CRIM1: variants seen among roughly 807,000 people sequenced by gnomAD.
The protein encoded by CRIM1 is cysteine rich transmembrane BMP regulator 1.
In CRIM1, 32 loss-of-function variants were observed where a neutral mutation model predicts 116.4. That is an observed-to-expected ratio of 0.27 (90% CI 0.21 to 0.37). The LOEUF is 0.37. Ranked by LOEUF, CRIM1 falls within the 10% of genes least tolerant of loss-of-function variation. The pLI, the probability that CRIM1 is intolerant of heterozygous loss-of-function variation, is 1.00. For synonymous variants in CRIM1, 590 were observed against 509.2 expected, an observed-to-expected ratio of 1.16 and a Z score of -2.13; for missense variants, 1,331 against 1,354.8, an observed-to-expected ratio of 0.98 and a Z score of 0.28.
intron 1 of CRIM1, among the ~76,000 whole-genome samples, chr2:36,358,248 C>T (rs1668989223): frequency 6.6e-6 from 1 of 152,142 alleles, no homozygotes; most frequent in Non-Finnish European, 1.5e-5. Context: ...ACTTCTGATA[C>T]CATTGTATGT....
At chr2:36,409,738 C>A (rs777958257) in intron 2 of CRIM1, among the ~76,000 whole-genome samples, 1 of 152,196 alleles carries the variant, frequency 6.6e-6, no homozygotes. Flanking sequence ...ATGTTTACTT[C>A]TAGAATTGGC....
chr2:36,505,360 G>T (rs1362625400), intron 8 of CRIM1, among the ~76,000 whole-genome samples: 1 of 150,928 alleles, frequency 6.6e-6, no homozygotes, highest in Non-Finnish European at 1.5e-5. Context: ...ATAAACAAGA[G>T]TTAAGTTCCT....
intron 2 of CRIM1, among the ~76,000 whole-genome samples, chr2:36,427,963 G>A (rs1265518449): frequency 6.6e-6 from 1 of 152,206 alleles, no homozygotes; most frequent in African/African-American, 2.4e-5. Flanking sequence ...TTGCTCTTCT[G>A]ACCTTTCTTA....
intron 8 of CRIM1, among the ~76,000 whole-genome samples, chr2:36,505,680 C>G (rs1277001134): frequency 1.3e-4 from 9 of 67,550 alleles, no homozygotes; most frequent in Admixed American, 7.5e-4. Context: ...AGACCTAAAA[C>G]ATTTCTAATA....
chr2:36,359,927 T>A (rs1669109994), intron 1 of CRIM1, among the ~76,000 whole-genome samples: 1 of 152,154 alleles, frequency 6.6e-6, no homozygotes, highest in African/African-American at 2.4e-5. Flanking sequence ...AACTGGCCTG[T>A]TTTCTTGGCC....
rs536859327 is a variant in CRIM1, at chr2:36,550,835, G to GT, written c.*2140dup. On this transcript the variant is annotated 3_prime_UTR_variant, in exon 17 of 17. Coordinates refer to ENST00000280527, the MANE Select transcript of CRIM1 (RefSeq NM_016441.3). ...AAAAAATTGTAGATGCTTGCTTTTT[G>GT]TTTTTTCAATCATGGCCATATTATG... 311 of 152,354 alleles carry GT rather than the reference G, an allele frequency of 2.0e-3. 1 individual carries two copies. The highest frequency in any genetic ancestry group is 6.9e-3 in the African/African-American group (286 of 41,482). The allele number at this position is 152,354 out of a possible 1,614,324, so 9.4% of individuals were successfully genotyped here.
intron 8 of CRIM1, among the ~76,000 whole-genome samples, chr2:36,499,733 C>T (rs996281818): frequency 1.3e-5 from 2 of 152,180 alleles, no homozygotes; most frequent in South Asian, 2.1e-4. Flanking sequence ...GACTGTGCTT[C>T]ACTTTGTTGA....
intron 8 of CRIM1, among the ~76,000 whole-genome samples, chr2:36,500,751 A>G (rs533830698): frequency 6.6e-6 from 1 of 152,378 alleles, no homozygotes; most frequent in South Asian, 2.1e-4. Context: ...GATGCTGAAC[A>G]TAGCTGCTTA....
intron 1 of CRIM1, among the ~76,000 whole-genome samples, chr2:36,395,215 A>C (rs983444448): frequency 6.6e-6 from 1 of 152,070 alleles, no homozygotes; most frequent in Admixed American, 6.5e-5. Context: ...GGGTTTCACC[A>C]TGTTGGCCAG....
chr2:36,362,983 A>T (rs1292553176), intron 1 of CRIM1, among the ~76,000 whole-genome samples: 1 of 152,010 alleles, frequency 6.6e-6, no homozygotes, highest in Non-Finnish European at 1.5e-5. Context: ...GGATCGCCTG[A>T]GGTCAGGAGT....
chr2:36,448,438 T>C (rs548446460), intron 4 of CRIM1, among the ~76,000 whole-genome samples: 2 of 152,344 alleles, frequency 1.3e-5, no homozygotes, highest in South Asian at 4.1e-4. Flanking sequence ...TTCCTACTCC[T>C]TGCTCTCTCC....
intron 1 of CRIM1, among the ~76,000 whole-genome samples, chr2:36,376,437 G>C (rs954391797): frequency 4.6e-5 from 7 of 152,234 alleles, no homozygotes; most frequent in African/African-American, 7.2e-5. Flanking sequence ...GCATTTCCTT[G>C]CTTACAGAGC....
intron 2 of CRIM1, among the ~76,000 whole-genome samples, chr2:36,439,928 G>A (rs1675659093): frequency 6.6e-6 from 1 of 152,136 alleles, no homozygotes; most frequent in African/African-American, 2.4e-5. Context: ...ATCCCAAGCT[G>A]CTGAAGCAAC....
rs114612022 is a variant in CRIM1, at chr2:36,356,663, C to A, written c.331+40C>A. The stretch of plus-strand genomic sequence containing the variant: ...TGCGGGCCCCCTCCCACCTGGCCTG[C>A]GCCGCCCCCTCGGCGCTGGTTGTGC... On this transcript the variant is annotated intron_variant, in intron 1 of 16. Transcript: ENST00000280527. The surrounding 1 kb of genome is among the most constrained non-coding windows in gnomAD (Gnocchi z 4.3). 3.6e-3 allele frequency: 5,586 copies of A among 1,560,974 alleles called. 175 individuals are homozygous for A. The African/African-American group carries it at 0.065, about 18-fold the overall frequency.
At chr2:36,511,243 G>C (rs996687389) in intron 9 of CRIM1, among the ~76,000 whole-genome samples, 10 of 152,182 alleles carry the variant, frequency 6.6e-5, no homozygotes, top group Admixed American at 3.9e-4. Context: ...GCCTGGCCTA[G>C]TGCTAGTAAT....
intron 2 of CRIM1, among the ~76,000 whole-genome samples, chr2:36,432,008 G>C (rs1674933739): frequency 6.6e-6 from 1 of 152,170 alleles, no homozygotes; most frequent in Non-Finnish European, 1.5e-5. Flanking sequence ...AACATTACTT[G>C]GGGAGTTCTT....
chr2:36,527,886 C>T (rs1665861592), intron 13 of CRIM1, among the ~76,000 whole-genome samples: 2 of 152,014 alleles, frequency 1.3e-5, no homozygotes, highest in Non-Finnish European at 2.9e-5. Context: ...TTAAAAGCTT[C>T]TGCACATTGG....
intron 2 of CRIM1, among the ~76,000 whole-genome samples, chr2:36,398,830 A>G (rs900479224): frequency 6.6e-6 from 1 of 152,246 alleles, no homozygotes; most frequent in Non-Finnish European, 1.5e-5. Flanking sequence ...ATATTCAGGT[A>G]TATATTGTAT....
Position 36,427,830 on chromosome 2 carries a change from C to T in CRIM1, c.506-13428C>T, listed in dbSNP as rs73924827. Reference sequence around the variant, plus strand: ...TTGTATTCCATCTTGCAGGCCTGCCCTGGCTCCCATTCCTAGCCCATTTGT... The same window carrying T: ...TTGTATTCCATCTTGCAGGCCTGCCTTGGCTCCCATTCCTAGCCCATTTGT... On this transcript the variant is annotated intron_variant, in intron 2 of 16. Coordinates refer to ENST00000280527, the MANE Select transcript of CRIM1 (RefSeq NM_016441.3). 9.2e-3 allele frequency among the ~76,000 whole-genome samples: 1,403 copies of T among 152,310 alleles called. 19 individuals carry two copies. The highest frequency in any genetic ancestry group is 0.032 in the African/African-American group (1,322 of 41,568).
Sources: allele counts gnomAD v4.1 joint callset (sites outside exome capture counted in the v4.1 genomes callset), GRCh38; gene constraint gnomAD v4.1.1; non-coding constraint Gnocchi (gnomAD v3.1); transcripts MANE v1.5; gene names NCBI Gene and HGNC (gene_info 2026-07-23, HGNC 2026-07-21).